MAN2A1: variants seen among roughly 807,000 people sequenced by gnomAD.
The protein encoded by MAN2A1 is mannosidase alpha class 2A member 1, also known as alpha-mannosidase 2.
MAN2A1 carries 76 observed loss-of-function variants against 142.6 expected under a neutral mutation model. The observed-to-expected ratio is 0.53, with a 90% CI of 0.44 to 0.65. MAN2A1 has a LOEUF of 0.65. MAN2A1 is among the 30% of genes least tolerant of loss of function. The pLI is 0.00. For missense variants in MAN2A1, 1,311 were observed against 1,365.1 expected, an observed-to-expected ratio of 0.96 and a Z score of 0.62; for synonymous variants, 559 against 473.2, an observed-to-expected ratio of 1.18 and a Z score of -2.35.
chr5:109,779,299 G>C (rs1753381739), intron 8 of MAN2A1, among the ~76,000 whole-genome samples: 1 of 151,866 alleles, frequency 6.6e-6, no homozygotes, highest in Non-Finnish European at 1.5e-5. Flanking sequence ...ATTTTCAAAG[G>C]GTATACTTTA....
rs573992967 is a variant in MAN2A1, at chr5:109,804,398, T to G, written c.1944-12875T>G. On this transcript the variant is annotated intron_variant, in intron 12 of 21. Transcript: ENST00000261483. Reference sequence around the variant, plus strand: ...AAGACAATTGTATGTGAAATCGCGTTACTTTTCAAACTGAAACATAGGGTT... The same window carrying G: ...AAGACAATTGTATGTGAAATCGCGTGACTTTTCAAACTGAAACATAGGGTT... 1.6e-4 allele frequency: 69 copies of G among 429,598 alleles called. No individual in the cohort carries two copies. The Admixed American group carries it at 2.2e-3, about 14-fold the overall frequency. The allele number at this position is 429,598 out of a possible 1,614,324, so 26.6% of individuals were successfully genotyped here. A position where few individuals can be genotyped will look rare whatever the true frequency, so the allele number is the denominator to read the frequency against.
At chr5:109,823,345 T>A (rs1013069213) in intron 15 of MAN2A1, among the ~76,000 whole-genome samples, 5 of 152,118 alleles carry the variant, frequency 3.3e-5, no homozygotes, top group African/African-American at 1.2e-4. Context: ...CCCTGAACAT[T>A]AGGGGGCTGG....
intron 4 of MAN2A1, among the ~76,000 whole-genome samples, chr5:109,741,532 A>G (rs554800987): frequency 5.3e-5 from 8 of 152,310 alleles, no homozygotes; most frequent in South Asian, 2.1e-4. Context: ...AAGATGAGCT[A>G]TGGATTAAAT....
intron 12 of MAN2A1, among the ~76,000 whole-genome samples, chr5:109,805,651 C>CA (rs1207818109): frequency 1.3e-5 from 2 of 152,142 alleles, no homozygotes; most frequent in African/African-American, 4.8e-5. Context: ...TGTCACTAAC[C>CA]AGCTCATATT....
chr5:109,790,261 A>G (rs1024308640), intron 12 of MAN2A1, among the ~76,000 whole-genome samples: 20 of 152,006 alleles, frequency 1.3e-4, no homozygotes, highest in African/African-American at 4.8e-4. Flanking sequence ...ATAGGATAAA[A>G]CAATAATTTC....
chr5:109,758,100 A>G (rs531898736), intron 5 of MAN2A1, among the ~76,000 whole-genome samples: 6 of 152,250 alleles, frequency 3.9e-5, no homozygotes, highest in South Asian at 2.1e-4. Context: ...GAAACTGTCA[A>G]ACTTTTCCAA....
At chr5:109,782,546 G>A (rs1753488810) in intron 9 of MAN2A1, among the ~76,000 whole-genome samples, 1 of 152,070 alleles carries the variant, frequency 6.6e-6, no homozygotes, top group Non-Finnish European at 1.5e-5. Flanking sequence ...TCATTTTCAT[G>A]ATGAATCTTG....
intron 16 of MAN2A1, 56 bp downstream of exon 16, chr5:109,823,893 G>T: frequency 4.9e-6 from 4 of 816,922 alleles, no homozygotes; most frequent in South Asian, 2.6e-5. Context: ...TTGAATTCTT[G>T]CTTTTCTTAT....
chr5:109,727,136 TGACG>T (rs1274655388), intron 3 of MAN2A1, among the ~76,000 whole-genome samples: 6 of 152,214 alleles, frequency 3.9e-5, no homozygotes, highest in Non-Finnish European at 5.9e-5. Context: ...TGGATGGTAA[TGACG>T]CTGATTTGTT....
intron 12 of MAN2A1, among the ~76,000 whole-genome samples, chr5:109,810,105 T>C (rs186619846): frequency 1.6e-3 from 243 of 152,274 alleles, no homozygotes; most frequent in Non-Finnish European, 2.8e-3. Context: ...CCTTGTCCTC[T>C]ACTTGATTCA....
intron 1 of MAN2A1, among the ~76,000 whole-genome samples, 158 bp from the exon 2 acceptor site, chr5:109,713,362 G>A (rs1751355811): frequency 1.3e-5 from 2 of 152,112 alleles, no homozygotes; most frequent in Admixed American, 6.6e-5. Context: ...AACCCTGCCA[G>A]CTGTTCATGC....
chr5:109,712,479 T>C (rs1343554799), intron 1 of MAN2A1, among the ~76,000 whole-genome samples: 1 of 152,216 alleles, frequency 6.6e-6, no homozygotes, highest in African/African-American at 2.4e-5. Context: ...GTTTGACCAG[T>C]CCCCTACTTT....
intron 4 of MAN2A1, among the ~76,000 whole-genome samples, chr5:109,743,939 A>G (rs1752335591): frequency 6.6e-6 from 1 of 152,070 alleles, no homozygotes; most frequent in African/African-American, 2.4e-5. Flanking sequence ...TTCCTGCTTC[A>G]CACTCTACTC....
At chr5:109,834,443 A>C (rs78210235) in intron 16 of MAN2A1, among the ~76,000 whole-genome samples, 7 of 148,940 alleles carry the variant, frequency 4.7e-5, no homozygotes, top group African/African-American at 1.5e-4. Flanking sequence ...TAAAAAAAAA[A>C]CCAAAAAGCC....
intron 4 of MAN2A1, among the ~76,000 whole-genome samples, chr5:109,730,711 T>C (rs1393492868): frequency 1.3e-5 from 2 of 152,176 alleles, no homozygotes; most frequent in Admixed American, 1.3e-4. Flanking sequence ...ACTTTACAAA[T>C]TGTAACTAAT....
chr5:109,791,462 C>T (rs774249222), intron 12 of MAN2A1, among the ~76,000 whole-genome samples: 12 of 151,538 alleles, frequency 7.9e-5, no homozygotes, highest in Admixed American at 7.2e-4. Context: ...AAATAATTGC[C>T]CTTTTCAGTT....
At chr5:109,716,938 C>T (rs1209352134) in intron 3 of MAN2A1, among the ~76,000 whole-genome samples, 1 of 152,152 alleles carries the variant, frequency 6.6e-6, no homozygotes, top group South Asian at 2.1e-4. Flanking sequence ...AGATTCCTCC[C>T]TTCCCCCACC....
chr5:109,859,190 G>A (rs779118496), intron 20 of MAN2A1, among the ~76,000 whole-genome samples: 27 of 152,184 alleles, frequency 1.8e-4, no homozygotes, highest in Non-Finnish European at 2.4e-4. Flanking sequence ...AGAATCAGGC[G>A]TTCTGAATCT....
chr5:109,820,146 A>C, intron 14 of MAN2A1, 74 bp from the exon 15 acceptor site: 1 of 1,305,968 alleles, frequency 7.7e-7, no homozygotes, highest in Non-Finnish European at 1.1e-6. Flanking sequence ...AAATTGTCAT[A>C]TACATAGAAC....
Sources: gnomAD v4.1 joint callset for allele counts (sites outside exome capture counted in the v4.1 genomes callset) on GRCh38, gnomAD v4.1.1 for gene constraint, MANE v1.5 for transcripts, NCBI Gene and HGNC (gene_info 2026-07-23, HGNC 2026-07-21) for gene names.